The following UXS1 variants were observed in gnomAD, a reference collection of about 807,000 sequenced individuals.
UXS1 encodes the protein UDP-glucuronic acid decarboxylase 1.
Under a neutral mutation model 62.6 loss-of-function variants are expected in UXS1, and 33 were observed. The ratio of observed to expected loss-of-function variants is 0.53; its 90% confidence interval spans 0.40 to 0.70. The LOEUF (loss-of-function observed/expected upper bound fraction) is 0.70, where lower values mean the gene tolerates loss of function less well. Ranked by LOEUF, UXS1 falls within the 30% of genes least tolerant of loss-of-function variation. The pLI, the probability that UXS1 is intolerant of heterozygous loss-of-function variation, is 0.00. For missense variants in UXS1, 434 were observed against 556.3 expected (o/e 0.78, Z 2.21); for synonymous variants, 213 against 206.8 (o/e 1.03, Z -0.26).
chr2:106,139,596 C>T (rs886753928), intron 6 of UXS1, among the ~76,000 whole-genome samples: 1 of 152,202 alleles, frequency 6.6e-6, no homozygotes, highest in African/African-American at 2.4e-5. Flanking sequence ...CTGTTCAGAA[C>T]ACATCGGAGA....
At chr2:106,144,719 C>T (rs1681417078) in intron 6 of UXS1, among the ~76,000 whole-genome samples, 2 of 152,152 alleles carry the variant, frequency 1.3e-5, no homozygotes, top group Non-Finnish European at 2.9e-5. Flanking sequence ...ATATATGCAT[C>T]TTCTCGCCAC....
intron 8 of UXS1, among the ~76,000 whole-genome samples, chr2:106,123,991 C>A (rs1023292591): frequency 6.6e-6 from 1 of 152,208 alleles, no homozygotes; most frequent in African/African-American, 2.4e-5. Flanking sequence ...CACTTGTCTG[C>A]TCAGCCGATC....
At chr2:106,173,866 G>T (rs1488886595) in intron 1 of UXS1, among the ~76,000 whole-genome samples, 2 of 152,218 alleles carry the variant, frequency 1.3e-5, no homozygotes, top group Non-Finnish European at 2.9e-5. Context: ...TATGGCCCAT[G>T]GGCCACAGTT....
chr2:106,110,258 T>A (rs1678475761), intron 10 of UXS1, among the ~76,000 whole-genome samples: 1 of 152,162 alleles, frequency 6.6e-6, no homozygotes, highest in Non-Finnish European at 1.5e-5. Flanking sequence ...CATGGACGGC[T>A]CCAGAGATCT....
intron 1 of UXS1, among the ~76,000 whole-genome samples, chr2:106,180,081 C>A (rs1684144146): frequency 6.6e-6 from 1 of 152,226 alleles, no homozygotes; most frequent in Non-Finnish European, 1.5e-5. Flanking sequence ...TGCACTCCAG[C>A]CTAGGCGACA....
chr2:106,190,168 G>C (rs544728313), intron 1 of UXS1, among the ~76,000 whole-genome samples: 1 of 152,194 alleles, frequency 6.6e-6, no homozygotes, highest in Non-Finnish European at 1.5e-5. Flanking sequence ...AAGCAAATTA[G>C]AACACCAGCC....
At chr2:106,152,760 G>C (rs1682138384) in intron 5 of UXS1, among the ~76,000 whole-genome samples, 1 of 152,114 alleles carries the variant, frequency 6.6e-6, no homozygotes, top group Non-Finnish European at 1.5e-5. Flanking sequence ...ATCTCAACAG[G>C]AAGGGCCACT....
At chr2:106,137,910 G>A (rs1680792243) in intron 6 of UXS1, among the ~76,000 whole-genome samples, 1 of 152,172 alleles carries the variant, frequency 6.6e-6, no homozygotes, top group Admixed American at 6.5e-5. Flanking sequence ...TAGACCTGGA[G>A]CCTGCTGCCA....
intron 1 of UXS1, among the ~76,000 whole-genome samples, chr2:106,182,821 T>TGGGGG: frequency 4.6e-5 from 1 of 21,746 alleles, no homozygotes; most frequent in Non-Finnish European, 8.7e-5. Flanking sequence ...CACTGGTGGG[T>TGGGGG]GGGGGTGGGG....
rs79415522 is a variant in UXS1, at chr2:106,094,104, G to A, written c.1200C>T (p.Leu400=). The A allele has an allele frequency of 1.1e-3, 1,705 of 1,613,142 alleles. 21 individuals carry two copies. In the African/African-American group the frequency reaches 0.02, roughly 19 times the overall value. ...TGTACTGATTATTTGCCTGGTACTC[G>A]AGTTCTTTACGGAAGTAGTGAATTG... ...NKAIHYFRKE[L]EYQANNQYIP... is the part of the protein sequence containing the mutation. Residue 400 remains leucine (L), a synonymous_variant, in exon 15 of 15, where the codon CTC becomes CTT. Transcript: ENST00000283148.
chr2:106,112,495 T>C, intron 10 of UXS1, 151 bp downstream of exon 10: 2 of 1,289,038 alleles, frequency 1.6e-6, no homozygotes, highest in Non-Finnish European at 2.1e-6. Flanking sequence ...TATGTCCCCG[T>C]GCCTGCCTTC....
At chr2:106,110,355 G>C (rs1678485827) in intron 10 of UXS1, among the ~76,000 whole-genome samples, 1 of 152,170 alleles carries the variant, frequency 6.6e-6, no homozygotes, top group African/African-American at 2.4e-5. Context: ...ATGCATTCTT[G>C]GGGAGGCTAG....
At chr2:106,146,239 A>G (rs965259008) in intron 5 of UXS1, among the ~76,000 whole-genome samples, 1 of 152,184 alleles carries the variant, frequency 6.6e-6, no homozygotes, top group Non-Finnish European at 1.5e-5. Context: ...TGCACAACTC[A>G]ATTCTCTAGC....
chr2:106,112,245 C>T (rs888773405), intron 10 of UXS1, among the ~76,000 whole-genome samples: 12 of 152,220 alleles, frequency 7.9e-5, no homozygotes, highest in African/African-American at 2.7e-4. Flanking sequence ...GTCAAGGTGA[C>T]GGCCCAGCCT....
intron 9 of UXS1, among the ~76,000 whole-genome samples, chr2:106,121,579 A>T (rs1029461387): frequency 2.6e-5 from 4 of 152,170 alleles, no homozygotes; most frequent in Non-Finnish European, 5.9e-5. Context: ...TGTCTGGAAG[A>T]TCATCTGAAA....
chr2:106,166,699 C>CTTTT (rs10659239), intron 1 of UXS1, among the ~76,000 whole-genome samples: 9 of 126,978 alleles, frequency 7.1e-5, no homozygotes, highest in East Asian at 2.4e-4. Context: ...GCAGGTGAAG[C>CTTTT]TTTTTTTTTT....
intron 1 of UXS1, among the ~76,000 whole-genome samples, chr2:106,181,292 TCTCTCTCTGAAAACTGCTAA>T (rs1684228254): frequency 1.3e-5 from 2 of 152,094 alleles, no homozygotes; most frequent in South Asian, 2.1e-4. Flanking sequence ...TGGAACCTCA[TCTCTCTCTGAAAACTGCTAA>T]CAGGCCCCAG....
chr2:106,149,106 C>CT (rs1681813534), intron 5 of UXS1, among the ~76,000 whole-genome samples: 1 of 152,076 alleles, frequency 6.6e-6, no homozygotes, highest in Non-Finnish European at 1.5e-5. Context: ...ACTGAAAAGG[C>CT]TTTAAGTTAT....
chr2:106,136,959 C>A (rs1197446232), intron 6 of UXS1, among the ~76,000 whole-genome samples: 25 of 86,652 alleles, frequency 2.9e-4, no homozygotes, highest in Admixed American at 6.1e-4. Context: ...AAGTCAAGAA[C>A]ACACACAAAA....
Sources: allele counts gnomAD v4.1 joint callset (sites outside exome capture counted in the v4.1 genomes callset), GRCh38; gene constraint gnomAD v4.1.1; transcripts MANE v1.5; gene names NCBI Gene and HGNC (gene_info 2026-07-23, HGNC 2026-07-21).